Variants in PRELID2 observed in about 807,000 individuals in gnomAD.
PRELID2 encodes PRELI domain containing 2, also known as PRELI domain-containing protein 2.
In PRELID2, 25 loss-of-function variants were observed where a neutral mutation model predicts 28.4. The observed-to-expected ratio is 0.88, with a 90% confidence interval of 0.64 to 1.23. The LOEUF is 1.23. Among genes scored for constraint, PRELID2 ranks in the 50% most tolerant of loss-of-function variants. The pLI, the probability that PRELID2 is intolerant of heterozygous loss-of-function variation, is 0.00. For missense variants in PRELID2, 201 were observed against 214.4 expected (o/e 0.94, Z 0.39); for synonymous variants, 76 against 71.6 (o/e 1.06, Z -0.31).
intron 1 of PRELID2, among the ~76,000 whole-genome samples, chr5:145,679,011 G>A (rs1316766958): frequency 3.3e-5 from 5 of 152,160 alleles, no homozygotes; most frequent in Non-Finnish European, 7.3e-5. Flanking sequence ...TTGAATTTCA[G>A]TTGTATTCTA....
At chr5:145,600,420 G>GAAAAAAAA (rs35455268) in intron 1 of PRELID2, among the ~76,000 whole-genome samples, 1 of 124,182 alleles carries the variant, frequency 8.1e-6, no homozygotes, top group African/African-American at 3.7e-5. Flanking sequence ...CTCAGGGGGG[G>GAAAAAAAA]AAAAAAAAAA....
intron 1 of PRELID2, among the ~76,000 whole-genome samples, chr5:145,602,822 C>T (rs907713331): frequency 3.3e-5 from 5 of 151,946 alleles, no homozygotes; most frequent in Middle Eastern, 6.8e-3. Context: ...CAACAAAATG[C>T]GGGTGAATCA....
At chr5:145,695,082 A>G (rs1755231041) in intron 1 of PRELID2, among the ~76,000 whole-genome samples, 1 of 152,194 alleles carries the variant, frequency 6.6e-6, no homozygotes, top group Non-Finnish European at 1.5e-5. Flanking sequence ...AAAGTATAAA[A>G]TCTTATGGTC....
the PRELID2 span, among the ~76,000 whole-genome samples, chr5:145,321,279 A>G: frequency 1.3e-5 from 2 of 152,248 alleles, no homozygotes; most frequent in Non-Finnish European, 2.9e-5. Flanking sequence ...GGAGGAAGTT[A>G]CCTATTAATG....
chr5:145,616,498 A>G (rs1232137263), intron 1 of PRELID2, among the ~76,000 whole-genome samples: 1 of 152,140 alleles, frequency 6.6e-6, no homozygotes, highest in Non-Finnish European at 1.5e-5. Flanking sequence ...ATAAAGGGAC[A>G]AGGTACAAAA....
the PRELID2 span, among the ~76,000 whole-genome samples, chr5:145,373,226 T>C: frequency 1.6e-5 from 1 of 61,090 alleles, no homozygotes; most frequent in Non-Finnish European, 2.8e-5. Flanking sequence ...TGATATATAT[T>C]ACAACATATA....
intron 4 of PRELID2, among the ~76,000 whole-genome samples, chr5:145,805,938 T>C (rs995568182): frequency 7.2e-5 from 11 of 152,158 alleles, no homozygotes; most frequent in African/African-American, 2.7e-4. Flanking sequence ...ATATATACCA[T>C]GTATATACCG....
At chr5:145,229,582 C>T in the PRELID2 span, 43 of 1,457,694 alleles carry the variant, frequency 2.9e-5, 1 homozygote, top group South Asian at 1.1e-4. Flanking sequence ...TGTACCTGAA[C>T]GAAGTTGCAG....
At chr5:145,550,552 C>A (rs11958392) in intron 1 of PRELID2, among the ~76,000 whole-genome samples, 1 of 151,962 alleles carries the variant, frequency 6.6e-6, no homozygotes, top group African/African-American at 2.4e-5. Flanking sequence ...CTAACCTGGG[C>A]AACAGAGTGA....
At chr5:145,306,489 A>G in the PRELID2 span, among the ~76,000 whole-genome samples, 2 of 152,084 alleles carry the variant, frequency 1.3e-5, no homozygotes, top group African/African-American at 4.8e-5. Context: ...ATATAAAACT[A>G]ATTTTATATT....
intron 4 of PRELID2, among the ~76,000 whole-genome samples, chr5:145,811,111 A>C (rs1399133415): frequency 1.4e-5 from 2 of 147,166 alleles, no homozygotes; most frequent in Non-Finnish European, 1.5e-5. Context: ...AAAAAAAAAA[A>C]AAAAAAAATT....
chr5:145,305,708 A>G, the PRELID2 span, among the ~76,000 whole-genome samples: 3 of 152,178 alleles, frequency 2.0e-5, no homozygotes, highest in Admixed American at 2.0e-4. Context: ...ACTTACACAC[A>G]CACATACAAA....
chr5:145,491,970 G>T (rs1478662265), intron 1 of PRELID2, among the ~76,000 whole-genome samples: 1 of 152,120 alleles, frequency 6.6e-6, no homozygotes, highest in African/African-American at 2.4e-5. Context: ...TTGATTCCAT[G>T]TTTGGCTATT....
rs571823350 is a variant in PRELID2 at position 145,477,564 on chromosome 5, T to C, written n.71-4249A>G. ...GCCTAAGACACACCTCTCCCTGGAC[T>C]TGGAGCATGGCTAGCCACACCTGGA... On this transcript the variant is annotated intron_variant and non_coding_transcript_variant, in intron 1 of 2. Transcript: ENST00000510259. Among the ~76,000 whole-genome samples, 17 of 152,246 alleles carry C rather than the reference T, an allele frequency of 1.1e-4. No individual in the cohort carries two copies. In the South Asian group the frequency reaches 3.5e-3, roughly 32 times the overall value.
At chr5:145,283,418 C>T in the PRELID2 span, among the ~76,000 whole-genome samples, 9 of 152,120 alleles carry the variant, frequency 5.9e-5, no homozygotes, top group African/African-American at 1.7e-4. Flanking sequence ...CTGCAGTTAG[C>T]TTAATGAAAT....
the PRELID2 span, among the ~76,000 whole-genome samples, chr5:145,452,746 A>G: frequency 6.6e-6 from 1 of 152,132 alleles, no homozygotes; most frequent in South Asian, 2.1e-4. Flanking sequence ...GGAAGCAAGG[A>G]AGAAAGAGAG....
At chr5:145,640,366 CT>C (rs1462716877) in intron 1 of PRELID2, among the ~76,000 whole-genome samples, 1 of 151,650 alleles carries the variant, frequency 6.6e-6, no homozygotes, top group Non-Finnish European at 1.5e-5. Flanking sequence ...GTCCCAGCTA[CT>C]CGGGAGGCTG....
intron 1 of PRELID2, among the ~76,000 whole-genome samples, chr5:145,548,531 C>A (rs972217825): frequency 6.6e-6 from 1 of 152,168 alleles, no homozygotes; most frequent in Admixed American, 6.5e-5. Context: ...TTCAACCTAC[C>A]TCAACCTACT....
chr5:145,690,100 G>A (rs1351607754), intron 1 of PRELID2, among the ~76,000 whole-genome samples: 1 of 148,380 alleles, frequency 6.7e-6, no homozygotes, highest in Non-Finnish European at 1.5e-5. Context: ...AGCAATTTTA[G>A]TGCCTCAGCC....
Sources: allele counts gnomAD v4.1 joint callset (sites outside exome capture counted in the v4.1 genomes callset), GRCh38; gene constraint gnomAD v4.1.1; transcripts MANE v1.5; gene names NCBI Gene and HGNC (gene_info 2026-07-23, HGNC 2026-07-21).